Variants in HERPUD2 observed in about 807,000 individuals in gnomAD.
HERPUD2 encodes the protein HERPUD family member 2, also known as homocysteine-responsive endoplasmic reticulum-resident ubiquitin-like domain member 2 protein.
Under a neutral mutation model 49.9 loss-of-function variants are expected in HERPUD2, and 13 were observed. The observed-to-expected ratio is 0.26, with a 90% CI of 0.17 to 0.41. The LOEUF is 0.41. Ranked by LOEUF, HERPUD2 falls within the 10% of genes least tolerant of loss-of-function variation. The probability of loss-of-function intolerance (pLI) is 1.00; values close to 1 mark genes in which losing one functional copy is unlikely to be tolerated. For missense variants in HERPUD2, 449 were observed against 492.2 expected (o/e 0.91, Z 0.83); for synonymous variants, 172 against 171.4 (o/e 1.00, Z -0.03).
At chr7:35,635,045 C>T (rs1784847267) in intron 7 of HERPUD2, 90 bp downstream of exon 7, 7 of 917,554 alleles carry the variant, frequency 7.6e-6, no homozygotes, top group Non-Finnish European at 8.3e-6. Flanking sequence ...TATTCCTTCA[C>T]TCAACATTCA....
chr7:35,652,616 G>A (rs1233488535), intron 5 of HERPUD2, among the ~76,000 whole-genome samples: 1 of 148,980 alleles, frequency 6.7e-6, no homozygotes, highest in Non-Finnish European at 1.5e-5. Context: ...AAGAAAGGCA[G>A]GAAGGAAAGA....
intron 5 of HERPUD2, among the ~76,000 whole-genome samples, chr7:35,655,569 C>T (rs1043414743): frequency 5.3e-5 from 8 of 152,150 alleles, no homozygotes; most frequent in African/African-American, 1.9e-4. Flanking sequence ...ATATAACAAA[C>T]CCACAGCTAA....
chr7:35,667,634 A>C (rs776376232), intron 4 of HERPUD2, 46 bp from the exon 5 acceptor site: 1 of 1,464,150 alleles, frequency 6.8e-7, no homozygotes, highest in East Asian at 2.3e-5. Context: ...AGTTCTTTAC[A>C]ATCATAAAAT....
intron 2 of HERPUD2, among the ~76,000 whole-genome samples, chr7:35,682,356 TG>T (rs1785929363): frequency 2.0e-4 from 3 of 15,230 alleles, no homozygotes; most frequent in South Asian, 2.5e-3. Context: ...TGTGTGTGTG[TG>T]TATATATATA....
At chr7:35,642,536 T>C (rs775696189) in intron 5 of HERPUD2, among the ~76,000 whole-genome samples, 1 of 152,206 alleles carries the variant, frequency 6.6e-6, no homozygotes, top group Admixed American at 6.5e-5. Context: ...CTATTCACAA[T>C]AGCAAAGACA....
At chr7:35,637,122 G>C (rs1239581627) in intron 6 of HERPUD2, among the ~76,000 whole-genome samples, 1 of 143,396 alleles carries the variant, frequency 7.0e-6, no homozygotes, top group Non-Finnish European at 1.5e-5. Context: ...AACAGAGTGA[G>C]ACTCTGTCTC....
At chr7:35,674,404 T>TAGAGAGAGAG (rs3999932) in intron 2 of HERPUD2, among the ~76,000 whole-genome samples, 3 of 38,128 alleles carry the variant, frequency 7.9e-5, no homozygotes, top group South Asian at 1.1e-3. Flanking sequence ...TATATATATA[T>TAGAGAGAGAG]AGAGAGAGAG....
intron 2 of HERPUD2, among the ~76,000 whole-genome samples, chr7:35,678,235 T>C (rs1164529834): frequency 1.4e-4 from 18 of 127,204 alleles, no homozygotes; most frequent in Admixed American, 1.4e-3. Flanking sequence ...TCACTTCACA[T>C]TATTAAAAAA....
chr7:35,658,938 G>A (rs1054557527), intron 5 of HERPUD2, among the ~76,000 whole-genome samples: 1 of 152,198 alleles, frequency 6.6e-6, no homozygotes, highest in African/African-American at 2.4e-5. Context: ...TTGTTAGATT[G>A]GCAGACTTCT....
intron 2 of HERPUD2, among the ~76,000 whole-genome samples, chr7:35,690,418 A>G (rs1786152979): frequency 6.6e-6 from 1 of 152,226 alleles, no homozygotes; most frequent in South Asian, 2.1e-4. Flanking sequence ...CTTTCCCTTC[A>G]CAGATCATTA....
At chr7:35,660,218 T>C (rs530192778) in intron 5 of HERPUD2, among the ~76,000 whole-genome samples, 46 of 152,350 alleles carry the variant, frequency 3.0e-4, no homozygotes, top group African/African-American at 1.0e-3. Flanking sequence ...TATCCTTTTT[T>C]ATGGCGGCAT....
At position 35,633,681 on chromosome 7, in the gene HERPUD2, T is replaced by C; in HGVS notation, c.*9A>G. ...CAGACCCTCCTTGTAGCTGGCACAG[T>C]TTTTCAGGTCAATTGGCAACCTGGG... On this transcript the variant is annotated 3_prime_UTR_variant, in exon 9 of 9. Transcript: ENST00000311350. 2 of 1,610,452 alleles carry C rather than the reference T, an allele frequency of 1.2e-6. No homozygotes were observed. The highest frequency in any genetic ancestry group is 1.7e-6 in the Non-Finnish European group (2 of 1,178,466).
chr7:35,653,148 T>G (rs1562673418), intron 5 of HERPUD2, among the ~76,000 whole-genome samples: 1 of 152,138 alleles, frequency 6.6e-6, no homozygotes, highest in Non-Finnish European at 1.5e-5. Context: ...GCTGAAAGAA[T>G]TTTTTTAAAT....
intron 2 of HERPUD2, among the ~76,000 whole-genome samples, chr7:35,674,473 T>C (rs1785718088): frequency 7.8e-6 from 1 of 128,262 alleles, no homozygotes; most frequent in African/African-American, 3.0e-5. Flanking sequence ...AGGAGCACTG[T>C]GGTATCGTAA....
In HERPUD2 at chr7:35,633,644, C is replaced by T. The variant is rs745656492; in HGVS notation, c.*46G>A. The T allele has an allele frequency of 6.4e-7, 1 of 1,563,462 alleles. No individual in the cohort carries two copies. The highest frequency in any genetic ancestry group is 2.3e-5 in the East Asian group (1 of 44,362). ...TGAAATTGCACTGTTATTTAAACCA[C>T]TTTCCTGAAGTCAGACCCTCCTTGT... On this transcript the variant is annotated 3_prime_UTR_variant, in exon 9 of 9. Transcript: ENST00000311350.
intron 2 of HERPUD2, among the ~76,000 whole-genome samples, chr7:35,673,699 T>G (rs1359943234): frequency 6.6e-6 from 1 of 152,156 alleles, no homozygotes; most frequent in Non-Finnish European, 1.5e-5. Context: ...CATTTTGCCT[T>G]ATTTTGTCAA....
At chr7:35,692,952 T>G (rs1359613937) in intron 2 of HERPUD2, among the ~76,000 whole-genome samples, 1 of 152,198 alleles carries the variant, frequency 6.6e-6, no homozygotes, top group Non-Finnish European at 1.5e-5. Flanking sequence ...AAAAGTTATT[T>G]CCCACCCTAA....
chr7:35,644,950 A>AT (rs1360456202), intron 5 of HERPUD2, among the ~76,000 whole-genome samples: 1 of 152,152 alleles, frequency 6.6e-6, no homozygotes, highest in Non-Finnish European at 1.5e-5. Flanking sequence ...TGTGATTAAG[A>AT]TTTTTTAAAG....
chr7:35,684,298 G>C, intron 2 of HERPUD2, among the ~76,000 whole-genome samples: 1 of 151,994 alleles, frequency 6.6e-6, no homozygotes, highest in East Asian at 1.9e-4. Flanking sequence ...GCTGAGGCAG[G>C]AGAATGGCGT....
Sources: allele counts gnomAD v4.1 joint callset (sites outside exome capture counted in the v4.1 genomes callset), GRCh38; gene constraint gnomAD v4.1.1; transcripts MANE v1.5; gene names NCBI Gene and HGNC (gene_info 2026-07-23, HGNC 2026-07-21).